Variants in IFT56 observed in about 807,000 individuals in gnomAD.
IFT56 encodes intraflagellar transport 56.
the IFT56 span, among the ~76,000 whole-genome samples, chr7:139,150,345 TG>T: frequency 1.3e-5 from 2 of 152,182 alleles, no homozygotes; most frequent in Non-Finnish European, 2.9e-5. Context: ...GAGTCAGTCT[TG>T]GGGAAATTTA....
chr7:139,146,549 C>T, the IFT56 span, among the ~76,000 whole-genome samples: 2 of 152,118 alleles, frequency 1.3e-5, no homozygotes, highest in Non-Finnish European at 2.9e-5. Flanking sequence ...GGGCGGATCA[C>T]GACGTCAGGA....
chr7:139,173,610 C>T, the IFT56 span: 1 of 812,212 alleles, frequency 1.2e-6, no homozygotes, highest in Non-Finnish European at 2.2e-6. Context: ...ATTCTTAATC[C>T]ATCCACCATC....
the IFT56 span, chr7:139,178,687 A>G: frequency 8.2e-7 from 1 of 1,217,068 alleles, no homozygotes; most frequent in South Asian, 1.3e-5. Context: ...TCAAGGGTTA[A>G]GGATTATTAA....
chr7:139,186,937 A>T, the IFT56 span, among the ~76,000 whole-genome samples: 1 of 149,842 alleles, frequency 6.7e-6, no homozygotes, highest in Non-Finnish European at 1.5e-5. Flanking sequence ...TACTAAAAAT[A>T]CAAAAAATTA....
chr7:139,147,401 C>G, the IFT56 span: 3 of 893,926 alleles, frequency 3.4e-6, no homozygotes, highest in Non-Finnish European at 4.9e-6. Context: ...GTGTTCAAAT[C>G]TGTTTAGTTG....
the IFT56 span, among the ~76,000 whole-genome samples, chr7:139,188,332 C>T: frequency 6.6e-6 from 1 of 152,098 alleles, no homozygotes; most frequent in East Asian, 1.9e-4. Context: ...AACTCCTGAC[C>T]TCAGGTGATC....
chr7:139,149,309 A>G, the IFT56 span, among the ~76,000 whole-genome samples: 4 of 151,564 alleles, frequency 2.6e-5, no homozygotes, highest in Non-Finnish European at 5.9e-5. Context: ...CATCTCAAAA[A>G]AAAAAAAAAA....
chr7:139,140,092 T>C, the IFT56 span: 7 of 834,232 alleles, frequency 8.4e-6, no homozygotes, highest in Non-Finnish European at 1.2e-5. Flanking sequence ...CCTTTTTCTC[T>C]TGAGAAAAAA....
the IFT56 span, among the ~76,000 whole-genome samples, chr7:139,160,434 T>A: frequency 1.2e-5 from 1 of 86,920 alleles, no homozygotes; most frequent in Non-Finnish European, 1.8e-5. Context: ...GTCACTTAAC[T>A]TTTTTTTTTT....
the IFT56 span, among the ~76,000 whole-genome samples, chr7:139,134,070 A>G: frequency 6.6e-6 from 1 of 151,974 alleles, no homozygotes; most frequent in Non-Finnish European, 1.5e-5. Context: ...CATTTAAACC[A>G]CTCGTGGGAT....
the IFT56 span, among the ~76,000 whole-genome samples, chr7:139,187,213 A>C: frequency 6.6e-6 from 1 of 152,102 alleles, no homozygotes; most frequent in Admixed American, 6.6e-5. Flanking sequence ...AACTGAACCC[A>C]TGTACCCAAA....
At chr7:139,161,812 T>C in the IFT56 span, among the ~76,000 whole-genome samples, 2 of 152,194 alleles carry the variant, frequency 1.3e-5, no homozygotes, top group African/African-American at 4.8e-5. Flanking sequence ...AATTCAGGCT[T>C]CCATCACAGA....
the IFT56 span, among the ~76,000 whole-genome samples, chr7:139,166,303 G>T: frequency 6.6e-6 from 1 of 152,134 alleles, no homozygotes; most frequent in African/African-American, 2.4e-5. Context: ...GGACAAGAAT[G>T]AAATAAACAG....
At chr7:139,148,571 G>A in the IFT56 span, among the ~76,000 whole-genome samples, 1 of 152,128 alleles carries the variant, frequency 6.6e-6, no homozygotes, top group South Asian at 2.1e-4. Flanking sequence ...TGAATTATCT[G>A]TGTTATGTCC....
At chr7:139,140,775 C>CAAA in the IFT56 span, among the ~76,000 whole-genome samples, 2,685 of 71,638 alleles carry the variant, frequency 0.037, 156 homozygotes, top group South Asian at 0.089. Context: ...AACTCCACCT[C>CAAA]AAAAAAAAAA....
the IFT56 span, among the ~76,000 whole-genome samples, chr7:139,189,080 A>G: frequency 6.6e-6 from 1 of 152,224 alleles, no homozygotes; most frequent in Non-Finnish European, 1.5e-5. Flanking sequence ...TATAGGTAGT[A>G]TGGATAAACA....
the IFT56 span, among the ~76,000 whole-genome samples, chr7:139,183,057 G>A: frequency 6.6e-6 from 1 of 152,186 alleles, no homozygotes; most frequent in South Asian, 2.1e-4. Flanking sequence ...TGCGGGGGAT[G>A]GGGTGGAGAG....
the IFT56 span, among the ~76,000 whole-genome samples, chr7:139,153,376 G>A: frequency 3.9e-5 from 6 of 151,968 alleles, no homozygotes; most frequent in African/African-American, 1.4e-4. Flanking sequence ...ACTTGAATCT[G>A]GGAGGCGGAG....
the IFT56 span, among the ~76,000 whole-genome samples, chr7:139,143,746 G>C: frequency 2.0e-5 from 3 of 152,130 alleles, no homozygotes; most frequent in Non-Finnish European, 2.9e-5. Context: ...GCTGGTCCAT[G>C]TGGTCTGTGT....
Sources: gnomAD v4.1 joint callset for allele counts (sites outside exome capture counted in the v4.1 genomes callset) on GRCh38, gnomAD v4.1.1 for gene constraint, MANE v1.5 for transcripts, NCBI Gene and HGNC (gene_info 2026-07-23, HGNC 2026-07-21) for gene names.